RARB: variants seen among roughly 807,000 people sequenced by gnomAD.
RARB encodes HBV-activated protein.
RARB carries 17 observed loss-of-function variants against 51.9 expected under a neutral mutation model. The ratio of observed to expected loss-of-function variants is 0.33; its 90% confidence interval spans 0.22 to 0.49. The LOEUF (loss-of-function observed/expected upper bound fraction) is 0.49. Ranked by LOEUF, RARB falls within the 20% of genes least tolerant of loss-of-function variation. The probability of loss-of-function intolerance (pLI) is 0.99; values close to 1 mark genes in which losing one functional copy is unlikely to be tolerated. For missense variants in RARB, 369 were observed against 550.8 expected, an observed-to-expected ratio of 0.67 and a Z score of 3.30; for synonymous variants, 215 against 195.4, an observed-to-expected ratio of 1.10 and a Z score of -0.84.
intron 2 of RARB, among the ~76,000 whole-genome samples, chr3:24,861,599 A>T (rs935681311): frequency 2.1e-4 from 3 of 14,026 alleles, no homozygotes; most frequent in African/African-American, 2.0e-3. Flanking sequence ...TGTTATAAAA[A>T]AAAAAAAAAA....
At chr3:25,124,045 C>T (rs1368807077) in intron 3 of RARB, among the ~76,000 whole-genome samples, 1 of 152,126 alleles carries the variant, frequency 6.6e-6, no homozygotes, top group Non-Finnish European at 1.5e-5. Flanking sequence ...GTTGCCAGTA[C>T]TCACCCGGGG....
At chr3:25,232,357 A>C (rs1012629675) in intron 5 of RARB, among the ~76,000 whole-genome samples, 1 of 152,148 alleles carries the variant, frequency 6.6e-6, no homozygotes, top group African/African-American at 2.4e-5. Context: ...TGGCATTTAC[A>C]ACCTAATTCT....
chr3:25,365,801 T>C (rs981918193), intron 5 of RARB, among the ~76,000 whole-genome samples: 2 of 152,174 alleles, frequency 1.3e-5, no homozygotes, highest in Non-Finnish European at 2.9e-5. Flanking sequence ...TAACTTGTTA[T>C]GGGGGCAGCT....
chr3:25,412,351 T>G (rs1168874130), intron 5 of RARB, among the ~76,000 whole-genome samples: 2 of 152,200 alleles, frequency 1.3e-5, no homozygotes, highest in African/African-American at 4.8e-5. Context: ...GGGGCCTAGT[T>G]ATATAGATAT....
intron 3 of RARB, among the ~76,000 whole-genome samples, chr3:25,107,115 G>A (rs1185455811): frequency 1.3e-5 from 2 of 152,104 alleles, no homozygotes; most frequent in Non-Finnish European, 2.9e-5. Flanking sequence ...TGACCAGGCT[G>A]GTCATGAACT....
intron 3 of RARB, among the ~76,000 whole-genome samples, chr3:25,101,126 G>A (rs1699392283): frequency 6.6e-6 from 1 of 152,006 alleles, no homozygotes; most frequent in Admixed American, 6.6e-5. Flanking sequence ...ACAGGTCTTG[G>A]GTCTGTCTTA....
chr3:25,109,794 GT>G (rs1014773501), intron 3 of RARB, among the ~76,000 whole-genome samples: 21 of 152,254 alleles, frequency 1.4e-4, no homozygotes, highest in African/African-American at 4.6e-4. Context: ...AAAAGCAGCA[GT>G]TGATTCCAAG....
chr3:25,353,930 A>G (rs1012960418), intron 5 of RARB, among the ~76,000 whole-genome samples: 3 of 152,110 alleles, frequency 2.0e-5, no homozygotes, highest in Non-Finnish European at 2.9e-5. Context: ...ATCTCATAAT[A>G]TAAAGTGCAG....
At chr3:25,204,950 G>A (rs1194249536) in intron 5 of RARB, among the ~76,000 whole-genome samples, 1 of 152,196 alleles carries the variant, frequency 6.6e-6, no homozygotes, top group African/African-American at 2.4e-5. Flanking sequence ...TCTCTTCAAA[G>A]CTGTCAGACA....
chr3:24,910,952 G>A (rs1478746507), intron 2 of RARB, among the ~76,000 whole-genome samples: 1 of 152,154 alleles, frequency 6.6e-6, no homozygotes, highest in Non-Finnish European at 1.5e-5. Context: ...CTACCACAGG[G>A]CCAACATAAG....
At chr3:25,574,302 T>A (rs1158406902) in intron 4 of RARB, among the ~76,000 whole-genome samples, 1 of 152,216 alleles carries the variant, frequency 6.6e-6, no homozygotes, top group African/African-American at 2.4e-5. Context: ...AGCTCCTTCA[T>A]CTGTATAATG....
chr3:25,412,791 G>A (rs542959931), intron 5 of RARB, among the ~76,000 whole-genome samples: 102 of 152,094 alleles, frequency 6.7e-4, no homozygotes, highest in African/African-American at 2.3e-3. Context: ...AGGCCGAGGC[G>A]GGCAGATCAC....
intron 2 of RARB, among the ~76,000 whole-genome samples, chr3:24,929,719 G>C (rs995805193): frequency 6.6e-6 from 1 of 152,030 alleles, no homozygotes; most frequent in African/African-American, 2.4e-5. Flanking sequence ...TGGTCTCTGA[G>C]ATCTGCCCCC....
At chr3:25,141,207 C>T (rs960157984) in intron 4 of RARB, among the ~76,000 whole-genome samples, 5 of 151,868 alleles carry the variant, frequency 3.3e-5, no homozygotes, top group African/African-American at 9.7e-5. Context: ...TTCTTAGACC[C>T]GGGAAACTCA....
chr3:25,075,450 G>A (rs1012947740), intron 3 of RARB, among the ~76,000 whole-genome samples: 1 of 152,150 alleles, frequency 6.6e-6, no homozygotes, highest in African/African-American at 2.4e-5. Flanking sequence ...TGGATGCTGA[G>A]CCTGGGGCAT....
rs536904115 is a variant in RARB, at chr3:24,955,853, CT to C, written c.-380+97102del. 6.9e-3 allele frequency among the ~76,000 whole-genome samples: 1,056 copies of C among 152,220 alleles called. 9 individuals carry two copies. Among genetic ancestry groups the C allele is most frequent in the Middle Eastern group, 0.024 (7 of 294 alleles). ...GGTCGTCTTATGTAGATCAAGCCCC[CT>C]GGCCGATCTCTTAGTGTTGCCCTCG... On this transcript the variant is annotated intron_variant, in intron 2 of 11. Transcript: ENST00000383772.
chr3:25,484,849 C>T (rs892294686), intron 2 of RARB, among the ~76,000 whole-genome samples: 6 of 151,794 alleles, frequency 4.0e-5, no homozygotes, highest in Non-Finnish European at 5.9e-5. Flanking sequence ...TTTTTTTAAC[C>T]TCCATTGTCA....
At chr3:24,985,353 T>G (rs561510317) in intron 2 of RARB, among the ~76,000 whole-genome samples, 1 of 151,788 alleles carries the variant, frequency 6.6e-6, no homozygotes, top group East Asian at 1.9e-4. Context: ...TTTTTTGTTT[T>G]TTTTTTTTTT....
In RARB at chr3:25,343,024, TTGTGTGTG is replaced by T. The variant is rs6147737; in HGVS notation, c.179-118127_179-118120del. Among the ~76,000 whole-genome samples the T allele has an allele frequency of 9.4e-3, 1,241 of 132,140 alleles. 6 individuals are homozygous for T. Among genetic ancestry groups the T allele is most frequent in the Admixed American group, 0.016 (214 of 13,388 alleles). 86.7% of individuals were successfully genotyped at this position (132,140 alleles called of 152,430 possible). A position where few individuals can be genotyped will look rare whatever the true frequency, so the allele number is the denominator to read the frequency against. ...TTCCTGTTTACATTTTGCAAGTACT[TTGTGTGTG>T]TGTGTGTGTGTGTGTGTGTGTGTGT... On this transcript the variant is annotated intron_variant, in intron 5 of 11. Transcript: ENST00000383772.
Sources: gnomAD v4.1 joint callset for allele counts (sites outside exome capture counted in the v4.1 genomes callset) on GRCh38, gnomAD v4.1.1 for gene constraint, MANE v1.5 for transcripts, NCBI Gene and HGNC (gene_info 2026-07-23, HGNC 2026-07-21) for gene names.